Variants in TRAT1 observed in about 807,000 individuals in gnomAD.
The protein encoded by TRAT1 is T-cell receptor-associated transmembrane adapter 1.
Under a neutral mutation model 20.0 loss-of-function variants are expected in TRAT1, and 20 were observed. The ratio of observed to expected loss-of-function variants is 1.00; its 90% CI spans 0.70 to 1.45. The LOEUF (loss-of-function observed/expected upper bound fraction) is 1.45, where lower values mean the gene tolerates loss of function less well. TRAT1 is among the 40% of genes most tolerant of loss of function. The pLI is 0.00. For synonymous variants in TRAT1, 77 were observed against 74.2 expected (o/e 1.04, Z -0.20); for missense variants, 237 against 224.1 (o/e 1.06, Z -0.37).
intron 2 of TRAT1, among the ~76,000 whole-genome samples, chr3:108,834,681 T>C (rs1489454168): frequency 2.0e-5 from 3 of 152,242 alleles, no homozygotes. Flanking sequence ...TGTTACTCTT[T>C]GTGGCTGAGA....
chr3:108,828,575 T>C (rs966288163), intron 1 of TRAT1, among the ~76,000 whole-genome samples: 1 of 152,170 alleles, frequency 6.6e-6, no homozygotes, highest in Non-Finnish European at 1.5e-5. Flanking sequence ...GCCTTTATAT[T>C]TGAGACACCA....
chr3:108,831,755 C>T (rs1945796632), intron 2 of TRAT1, among the ~76,000 whole-genome samples: 1 of 152,030 alleles, frequency 6.6e-6, no homozygotes, highest in South Asian at 2.1e-4. Flanking sequence ...GTTGCCCAGG[C>T]TGATCCTGTA....
At chr3:108,833,186 G>A (rs1945809846) in intron 2 of TRAT1, among the ~76,000 whole-genome samples, 1 of 152,320 alleles carries the variant, frequency 6.6e-6, no homozygotes, top group Non-Finnish European at 1.5e-5. Context: ...GGGAGGCAGA[G>A]GTGGGTGGAT....
At chr3:108,828,827 T>C (rs148180282) in intron 1 of TRAT1, among the ~76,000 whole-genome samples, 1,733 of 152,314 alleles carry the variant, frequency 0.011, 23 homozygotes, top group African/African-American at 0.04. Context: ...TATGCTTTAA[T>C]GGTCGGCGAG....
intron 2 of TRAT1, among the ~76,000 whole-genome samples, chr3:108,831,779 G>A (rs943672049): frequency 1.3e-5 from 2 of 152,046 alleles, no homozygotes; most frequent in Non-Finnish European, 2.9e-5. Flanking sequence ...TTGTTCTCAA[G>A]CCATCCTCCT....
intron 3 of TRAT1, among the ~76,000 whole-genome samples, chr3:108,842,781 C>T (rs554901833): frequency 6.6e-6 from 1 of 152,334 alleles, no homozygotes; most frequent in African/African-American, 2.4e-5. Context: ...CCCTTCTTTT[C>T]AAGTGCTCTA....
At chr3:108,846,406 G>A (rs972213120) in intron 3 of TRAT1, among the ~76,000 whole-genome samples, 2 of 152,156 alleles carry the variant, frequency 1.3e-5, no homozygotes, top group African/African-American at 4.8e-5. Flanking sequence ...AAGCAGGGAA[G>A]AATACTACTA....
chr3:108,850,343 C>A (rs997891181), intron 5 of TRAT1, among the ~76,000 whole-genome samples: 4 of 145,622 alleles, frequency 2.7e-5, no homozygotes, highest in African/African-American at 1.0e-4. Context: ...TGCTCTTTGT[C>A]GCCCAGGCTG....
intron 1 of TRAT1, among the ~76,000 whole-genome samples, chr3:108,829,586 AACACAC>A (rs144318236): frequency 3.5e-5 from 5 of 142,562 alleles, no homozygotes; most frequent in South Asian, 4.5e-4. Context: ...TCCATCTCAA[AACACAC>A]ACACACACAC....
At chr3:108,828,384 C>G (rs907384473) in intron 1 of TRAT1, among the ~76,000 whole-genome samples, 1 of 151,878 alleles carries the variant, frequency 6.6e-6, no homozygotes, top group African/African-American at 2.4e-5. Context: ...TGAAAGATAA[C>G]CAAATAAGTC....
In TRAT1 at chr3:108,830,781, GT is replaced by G. The variant is rs1404110061; in HGVS notation, c.118+2del. 3 of 1,602,568 alleles carry G rather than the reference GT, an allele frequency of 1.9e-6. No individual in the cohort carries two copies. The African/African-American group carries it at 4.0e-5, about 21-fold the overall frequency. On this transcript the variant is annotated splice_donor_variant, in intron 2 of 5. Transcript: ENST00000295756. LOFTEE classifies it high-confidence loss of function. ...CACTATGTGGAAAAGCAACGACAAG[GT>G]AAGACATTTTGACAAATTTCACATG...
intron 3 of TRAT1, among the ~76,000 whole-genome samples, chr3:108,845,798 C>T (rs551437982): frequency 1.6e-4 from 24 of 152,048 alleles, no homozygotes; most frequent in Admixed American, 5.2e-4. Context: ...AAATGCGACT[C>T]TCACCACCTG....
At chr3:108,836,979 A>G (rs1051210798) in intron 2 of TRAT1, among the ~76,000 whole-genome samples, 3 of 152,234 alleles carry the variant, frequency 2.0e-5, no homozygotes, top group Non-Finnish European at 4.4e-5. Flanking sequence ...CTTCACATAG[A>G]AGGAAATCAA....
chr3:108,830,528 T>A lies in TRAT1; in HGVS notation c.8-142T>A, dbSNP rs1316231463. 14 of 572,142 alleles carry A rather than the reference T, an allele frequency of 2.4e-5. No individual in the cohort carries two copies. In the Middle Eastern group the frequency reaches 8.7e-4, roughly 36 times the overall value. 35.4% of individuals were successfully genotyped at this position (572,142 alleles called of 1,614,324 possible). ...CACCCACTTTGAAAACTGAAAAAAG[T>A]TATGAATATTAATTAGTTTCCCGGT... On this transcript the variant is annotated intron_variant, in intron 1 of 5. Coordinates refer to ENST00000295756, the MANE Select transcript of TRAT1 (RefSeq NM_016388.4).
At chr3:108,826,461 C>T (rs1413933276) in intron 1 of TRAT1, among the ~76,000 whole-genome samples, 1 of 152,086 alleles carries the variant, frequency 6.6e-6, no homozygotes, top group Non-Finnish European at 1.5e-5. Flanking sequence ...TTGCGAGCCC[C>T]CTCCTGTGCT....
intron 1 of TRAT1, among the ~76,000 whole-genome samples, chr3:108,829,381 T>C (rs985490899): frequency 4.6e-5 from 7 of 152,000 alleles, no homozygotes; most frequent in Non-Finnish European, 1.0e-4. Context: ...GTCAGGAGTT[T>C]GAGACCAGCC....
chr3:108,830,641 A>G, intron 1 of TRAT1, 29 bp from the exon 2 acceptor site: 1 of 1,436,530 alleles, frequency 7.0e-7, no homozygotes, highest in Non-Finnish European at 9.8e-7. Context: ...CAGCTGTTAT[A>G]TTATGTGTAT....
At chr3:108,853,350 C>T (rs1168195964) in intron 5 of TRAT1, among the ~76,000 whole-genome samples, 2 of 152,056 alleles carry the variant, frequency 1.3e-5, no homozygotes, top group Non-Finnish European at 2.9e-5. Flanking sequence ...TAAGAATCAA[C>T]CTAAAATGTT....
intron 3 of TRAT1, among the ~76,000 whole-genome samples, chr3:108,840,109 TTA>T (rs1553727175): frequency 6.6e-6 from 1 of 151,498 alleles, no homozygotes; most frequent in South Asian, 2.1e-4. Flanking sequence ...GGTCTTTTTT[TTA>T]AAAAAATTCT....
Sources: allele counts gnomAD v4.1 joint callset (sites outside exome capture counted in the v4.1 genomes callset), GRCh38; gene constraint gnomAD v4.1.1; transcripts MANE v1.5; gene names NCBI Gene and HGNC (gene_info 2026-07-23, HGNC 2026-07-21).